Variants in EEPD1 observed in about 807,000 individuals in gnomAD.
EEPD1 encodes the protein endonuclease/exonuclease/phosphatase family domain containing 1.
In EEPD1, 17 loss-of-function variants were observed where a neutral mutation model predicts 46.3. The observed-to-expected ratio is 0.37, with a 90% CI of 0.25 to 0.55. The LOEUF is 0.55. Among genes scored for constraint, EEPD1 ranks in the 20% least tolerant of loss-of-function variants. EEPD1 has a pLI of 0.83. For missense variants in EEPD1, 673 were observed against 745.6 expected, an observed-to-expected ratio of 0.90 and a Z score of 1.13; for synonymous variants, 313 against 315.6, an observed-to-expected ratio of 0.99 and a Z score of 0.09.
Position 36,284,798 on chromosome 7 carries a change from G to A in EEPD1, c.1154G>A (p.Ser385Asn), listed in dbSNP as rs1204030217. The A allele has an allele frequency of 6.4e-7, 1 of 1,564,016 alleles. No individual in the cohort carries two copies. The highest frequency in any genetic ancestry group is 8.7e-7 in the Non-Finnish European group (1 of 1,153,836). The change falls in exon 5 of 8, where the codon AGC becomes AAC. Residue 385 changes from serine to asparagine, a missense_variant. Transcript: ENST00000242108. ...SNGHGKLAGPSPYLGRFKVGS... is the reference protein window; with the variant it reads ...SNGHGKLAGPNPYLGRFKVGS... ...GGGCACGGGAAGCTGGCGGGCCCCA[G>A]CCCATACCTCGGGAGGTTCAAGGTA...
At chr7:36,242,188 G>C (rs1177824799) in intron 3 of EEPD1, among the ~76,000 whole-genome samples, 3 of 152,194 alleles carry the variant, frequency 2.0e-5, no homozygotes, top group Non-Finnish European at 4.4e-5. Flanking sequence ...GAGGTTGTAA[G>C]ATGACTAATT....
chr7:36,219,802 AGAGAGT>A (rs1464468962), intron 2 of EEPD1, among the ~76,000 whole-genome samples: 9 of 67,256 alleles, frequency 1.3e-4, no homozygotes, highest in East Asian at 5.1e-4. Flanking sequence ...AGAGAGAGAG[AGAGAGT>A]GTGTGTGTGT....
At chr7:36,189,068 A>T (rs557705944) in intron 2 of EEPD1, among the ~76,000 whole-genome samples, 1 of 152,328 alleles carries the variant, frequency 6.6e-6, no homozygotes, top group African/African-American at 2.4e-5. Flanking sequence ...TGTAACCAGC[A>T]CCATTGAGAC....
At position 36,300,488 on chromosome 7, in the gene EEPD1, A is replaced by G. The variant is rs1254768779; in HGVS notation, c.*1282A>G. The G allele has an allele frequency of 1.3e-5, 2 of 152,276 alleles. No homozygotes were observed. Among genetic ancestry groups the G allele is most frequent in the Non-Finnish European group, 2.9e-5 (2 of 68,054 alleles). The allele number at this position is 152,276 out of a possible 1,614,324, so 9.4% of individuals were successfully genotyped here. On this transcript the variant is annotated 3_prime_UTR_variant, in exon 8 of 8. Coordinates refer to ENST00000242108, the MANE Select transcript of EEPD1 (RefSeq NM_030636.3). ...CTCACATTTCAACTTTATGCTTAAC[A>G]TGAATGGAAAAATATGAAAGTAAAT...
chr7:36,183,505 CTGTT>C (rs1212538933), intron 2 of EEPD1, among the ~76,000 whole-genome samples: 1 of 152,112 alleles, frequency 6.6e-6, no homozygotes, highest in East Asian at 1.9e-4. Context: ...AACTGCCAAT[CTGTT>C]TGTGAGCTTC....
At chr7:36,264,390 G>A (rs539677661) in intron 3 of EEPD1, among the ~76,000 whole-genome samples, 44 of 152,282 alleles carry the variant, frequency 2.9e-4, no homozygotes, top group African/African-American at 9.6e-4. Context: ...CCCTGCATTC[G>A]TCCTCTGTTG....
intron 2 of EEPD1, among the ~76,000 whole-genome samples, chr7:36,197,519 C>T (rs889757038): frequency 3.3e-5 from 5 of 152,182 alleles, no homozygotes; most frequent in Non-Finnish European, 7.3e-5. Context: ...GTTGCCGTGT[C>T]TGTGTAGAAA....
intron 3 of EEPD1, among the ~76,000 whole-genome samples, chr7:36,240,418 A>G (rs867626689): frequency 6.6e-6 from 1 of 152,242 alleles, no homozygotes; most frequent in East Asian, 1.9e-4. Context: ...CCTCATTTCT[A>G]TCTTGGGTAA....
intron 3 of EEPD1, among the ~76,000 whole-genome samples, chr7:36,255,736 C>T (rs1183710985): frequency 1.3e-5 from 2 of 152,096 alleles, no homozygotes; most frequent in Non-Finnish European, 2.9e-5. Context: ...ATTAGTCTGG[C>T]TAGTGGTCTA....
In EEPD1 at chr7:36,282,186, G is replaced by C. The variant is rs576360213; in HGVS notation, c.1041+961G>C. Among the ~76,000 whole-genome samples, 21 of 152,300 alleles carry C rather than the reference G, an allele frequency of 1.4e-4. No individual in the cohort carries two copies. In the South Asian group the frequency reaches 1.5e-3, roughly 11 times the overall value. On this transcript the variant is annotated intron_variant, in intron 4 of 7. Transcript: ENST00000242108. The stretch of plus-strand genomic sequence containing the variant: ...TGAATTTGAATGCATCTAGTTCAGG[G>C]TTCTCCCTTCCAGTCCACGTGGAAA...
At chr7:36,209,617 G>A (rs189766913) in intron 2 of EEPD1, among the ~76,000 whole-genome samples, 32 of 152,134 alleles carry the variant, frequency 2.1e-4, no homozygotes, top group South Asian at 4.1e-4. Flanking sequence ...TGAATACCGC[G>A]GGCCAGAGGA....
At chr7:36,263,956 G>A (rs1466764065) in intron 3 of EEPD1, among the ~76,000 whole-genome samples, 1 of 152,076 alleles carries the variant, frequency 6.6e-6, no homozygotes, top group Admixed American at 6.5e-5. Flanking sequence ...GATGTGGCAG[G>A]GACATTTTTG....
intron 2 of EEPD1, among the ~76,000 whole-genome samples, chr7:36,238,140 GT>G (rs1786490660): frequency 6.6e-6 from 1 of 152,174 alleles, no homozygotes. Flanking sequence ...CATGGTGCTG[GT>G]GGGCATGTCT....
Position 36,155,167 on chromosome 7 carries a change from G to A in EEPD1, c.843G>A (p.Val281=). The change falls in exon 2 of 8, where the codon GTG becomes GTA. Residue 281 remains valine (V), a synonymous_variant. Transcript: ENST00000242108. ...CSVEKANNPG[V]REVVCMTLLE... is the part of the protein sequence containing the mutation. ...TGGAGAAGGCCAACAACCCCGGGGT[G>A]CGAGAGGTGGTGTGCATGACACTCC... The A allele has an allele frequency of 6.6e-7, 1 of 1,520,778 alleles. No individual in the cohort carries two copies. The highest frequency in any genetic ancestry group is 8.8e-7 in the Non-Finnish European group (1 of 1,135,516). The allele number at this position is 1,520,778 out of a possible 1,614,324, so 94.2% of individuals were successfully genotyped here.
intron 2 of EEPD1, among the ~76,000 whole-genome samples, chr7:36,227,983 C>T (rs567020535): frequency 3.9e-5 from 6 of 152,172 alleles, no homozygotes; most frequent in East Asian, 1.9e-4. Flanking sequence ...CCACCACACC[C>T]GGCCTAATCC....
intron 2 of EEPD1, among the ~76,000 whole-genome samples, chr7:36,238,374 T>C (rs1178838829): frequency 6.6e-6 from 1 of 152,244 alleles, no homozygotes; most frequent in Non-Finnish European, 1.5e-5. Flanking sequence ...GTCTTGGCCT[T>C]ATTTTACCCA....
At chr7:36,172,019 C>T (rs572870079) in intron 2 of EEPD1, among the ~76,000 whole-genome samples, 4 of 152,220 alleles carry the variant, frequency 2.6e-5, no homozygotes, top group African/African-American at 7.2e-5. Context: ...AATATTTATA[C>T]ATACAATATA....
At chr7:36,158,851 G>A (rs773281772) in intron 2 of EEPD1, among the ~76,000 whole-genome samples, 5 of 152,090 alleles carry the variant, frequency 3.3e-5, no homozygotes, top group Non-Finnish European at 7.4e-5. Flanking sequence ...AGTCTCTTTG[G>A]TTATTGAAAG....
chr7:36,219,660 G>GGAAGGAAA (rs146669256), intron 2 of EEPD1, among the ~76,000 whole-genome samples: 1 of 146,792 alleles, frequency 6.8e-6, no homozygotes, highest in Non-Finnish European at 1.5e-5. Context: ...GGAAGAGGAA[G>GGAAGGAAA]GAAGGAAAGA....
Sources: gnomAD v4.1 joint callset for allele counts (sites outside exome capture counted in the v4.1 genomes callset) on GRCh38, gnomAD v4.1.1 for gene constraint, MANE v1.5 for transcripts, NCBI Gene and HGNC (gene_info 2026-07-23, HGNC 2026-07-21) for gene names.